DNAH17: variants seen among roughly 807,000 people sequenced by gnomAD.
The protein encoded by DNAH17 is axonemal beta dynein heavy chain 17.
A neutral mutation model predicts 485.6 loss-of-function variants in DNAH17; 376 were observed. The ratio of observed to expected loss-of-function variants is 0.77; its 90% CI spans 0.71 to 0.84. The LOEUF (loss-of-function observed/expected upper bound fraction) is 0.84. Among genes scored for constraint, DNAH17 ranks in the 40% least tolerant of loss-of-function variants. The probability of loss-of-function intolerance (pLI) is 0.00; values close to 1 mark genes in which losing one functional copy is unlikely to be tolerated. For synonymous variants in DNAH17, 3,031 were observed against 2,405.9 expected, an observed-to-expected ratio of 1.26 and a Z score of -7.60; for missense variants, 6,370 against 5,839.3, an observed-to-expected ratio of 1.09 and a Z score of -2.96.
At chr17:78,484,739 A>ACCCCCCATGCCCCCCCCCCCCC in intron 48 of DNAH17, 129 bp downstream of exon 48, 1 of 347,798 alleles carries the variant, frequency 2.9e-6, no homozygotes, top group Non-Finnish European at 4.6e-6. Context: ...ACGTTGCAGC[A>ACCCCCCATGCCCCCCCCCCCCC]CCCCCCCCAC....
intron 14 of DNAH17, among the ~76,000 whole-genome samples, chr17:78,557,217 G>A (rs547852994): frequency 6.6e-6 from 1 of 152,248 alleles, no homozygotes; most frequent in South Asian, 2.1e-4. Context: ...TGGGTTCCAG[G>A]AAATGCCCAT....
chr17:78,488,992 A>G (rs182445946), intron 44 of DNAH17, among the ~76,000 whole-genome samples: 310 of 152,126 alleles, frequency 2.0e-3, no homozygotes, highest in African/African-American at 6.6e-3. Context: ...CAGCACTGGG[A>G]GAGGATAAAT....
chr17:78,483,687 G>A (rs957438494), intron 48 of DNAH17, among the ~76,000 whole-genome samples: 2 of 151,970 alleles, frequency 1.3e-5, no homozygotes, highest in African/African-American at 2.4e-5. Context: ...TTAGGACCAT[G>A]ACCTCAAGTA....
At chr17:78,539,602 A>G in intron 18 of DNAH17, 135 bp downstream of exon 18, 2 of 824,196 alleles carry the variant, frequency 2.4e-6, no homozygotes, top group Non-Finnish European at 3.5e-6. Flanking sequence ...AACCAGGTCA[A>G]GTAGATTGCA....
At chr17:78,536,636 G>A (rs1475574192) in intron 19 of DNAH17, among the ~76,000 whole-genome samples, 3 of 150,542 alleles carry the variant, frequency 2.0e-5, no homozygotes, top group Admixed American at 2.0e-4. Flanking sequence ...AGCCGAGATT[G>A]AACCACTGCA....
At position 78,495,810 on chromosome 17, in the gene DNAH17, C is replaced by G. The variant is rs527770675; in HGVS notation, c.5903+65G>C. On this transcript the variant is annotated intron_variant, in intron 38 of 80. Coordinates refer to ENST00000389840, the MANE Select transcript of DNAH17 (RefSeq NM_173628.4). The stretch of plus-strand genomic sequence containing the variant: ...CCCCTCCCCTCTGCCCACTCCTTGG[C>G]ACTGGGACGTTGCTGTGGCCGGCCT... 4.5e-6 allele frequency: 7 copies of G among 1,566,794 alleles called. No individual in the cohort carries two copies. The Admixed American group carries it at 1.2e-4, about 28-fold the overall frequency.
At chr17:78,510,259 A>G in intron 27 of DNAH17, 125 bp downstream of exon 27, 2 of 1,392,704 alleles carry the variant, frequency 1.4e-6, no homozygotes, top group Non-Finnish European at 2.0e-6. Context: ...TGGGTAAGAA[A>G]GGCCCGCCAG....
intron 69 of DNAH17, among the ~76,000 whole-genome samples, chr17:78,448,755 T>G (rs2146485867): frequency 6.6e-6 from 1 of 152,312 alleles, no homozygotes; most frequent in East Asian, 1.9e-4. Flanking sequence ...GGAGTGGGTT[T>G]GTTACACAAG....
chr17:78,493,788 G>C lies in DNAH17; in HGVS notation c.6408+248C>G, dbSNP rs560578375. On this transcript the variant is annotated intron_variant, in intron 41 of 80. Transcript: ENST00000389840. ...AGTGACTGACGTCAAGGAGAGAAGAGCAGGAAGACAAGGAGGAACAGGGAG... is the reference window on the plus strand; with the variant it reads ...AGTGACTGACGTCAAGGAGAGAAGACCAGGAAGACAAGGAGGAACAGGGAG... Among the ~76,000 whole-genome samples the C allele has an allele frequency of 8.5e-5, 13 of 152,346 alleles. No individual in the cohort carries two copies. In the South Asian group the frequency reaches 2.7e-3, roughly 32 times the overall value.
At position 78,475,940 on chromosome 17, in the gene DNAH17, C is replaced by A. The variant is rs924088313; in HGVS notation, c.8155-107G>T. On this transcript the variant is annotated intron_variant, in intron 52 of 80. Transcript: ENST00000389840. ...GCCAAGGTGGCCTAGGAGGTCACCA[C>A]GGGGTCCCAGGCCAAGTCTCCAGGG... 2.3e-6 allele frequency: 3 copies of A among 1,297,280 alleles called. No individual in the cohort carries two copies. The Admixed American group carries it at 7.7e-5, about 33-fold the overall frequency. The allele number at this position is 1,297,280 out of a possible 1,614,324, so 80.4% of individuals were successfully genotyped here.
chr17:78,516,448 A>T (rs2090781632), intron 25 of DNAH17, among the ~76,000 whole-genome samples: 1 of 152,228 alleles, frequency 6.6e-6, no homozygotes, highest in African/African-American at 2.4e-5. Flanking sequence ...GCACTTTGGG[A>T]GGCCGAGGCG....
intron 79 of DNAH17, 99 bp from the exon 80 acceptor site, chr17:78,425,670 C>T (rs2086415636): frequency 9.3e-7 from 1 of 1,077,368 alleles, no homozygotes; most frequent in African/African-American, 1.6e-5. Context: ...CAGAACCTTC[C>T]ACGGGCCACT....
At position 78,428,767 on chromosome 17, in the gene DNAH17, T is replaced by C. The variant is rs547587992; in HGVS notation, c.12406-60A>G. The C allele has an allele frequency of 5.3e-5, 85 of 1,588,918 alleles. No homozygotes were observed. In the East Asian group the frequency reaches 1.8e-3, roughly 34 times the overall value. On this transcript the variant is annotated intron_variant, in intron 76 of 80. Transcript: ENST00000389840. ...GCTGTGCAGGCTGAAACCCATGTCC[T>C]GTTGGTTAAGCATTCCTTGCCAGAA...
In DNAH17 at chr17:78,459,172, G is replaced by A. The variant is rs747336078; in HGVS notation, c.9690C>T (p.Phe3230=). The A allele has an allele frequency of 8.7e-6, 14 of 1,613,970 alleles. No individual in the cohort carries two copies. Among genetic ancestry groups the A allele is most frequent in the Non-Finnish European group, 1.2e-5 (14 of 1,179,888 alleles). The change falls in exon 61 of 81, where the codon TTC becomes TTT. Residue 3230 remains phenylalanine (F), a synonymous_variant. Coordinates refer to ENST00000389840, the MANE Select transcript of DNAH17 (RefSeq NM_173628.4). The part of the protein sequence containing the change: ...YQGNPTFDPE[F]IRSKSTAAAG... ...CGGCGGCCGTGGACTTGGAGCGGAT[G>A]AACTCGGGGTCGAACGTCGGGTTGC...
intron 54 of DNAH17, among the ~76,000 whole-genome samples, chr17:78,474,181 C>G (rs2088902273): frequency 6.6e-6 from 1 of 152,226 alleles, no homozygotes; most frequent in African/African-American, 2.4e-5. Flanking sequence ...GCTAAAGCCA[C>G]CAGCCCAGCG....
chr17:78,460,957 A>C (rs1320911248), intron 58 of DNAH17, among the ~76,000 whole-genome samples: 6 of 152,100 alleles, frequency 3.9e-5, no homozygotes, highest in South Asian at 4.1e-4. Flanking sequence ...GACTGATGAC[A>C]AAAAAAGCAC....
intron 1 of DNAH17, among the ~76,000 whole-genome samples, chr17:78,576,230 C>T (rs775310097): frequency 7.9e-5 from 12 of 152,204 alleles, no homozygotes; most frequent in Non-Finnish European, 1.3e-4. Flanking sequence ...CCAAAAGACA[C>T]GTAATACCAC....
At chr17:78,452,978 G>GTT (rs2087619577) in intron 65 of DNAH17, among the ~76,000 whole-genome samples, 1 of 21,324 alleles carries the variant, frequency 4.7e-5, no homozygotes, top group East Asian at 8.6e-3. Flanking sequence ...TGTACCAAAT[G>GTT]CTCAATTGTG....
At chr17:78,527,476 C>A (rs2091110401) in intron 22 of DNAH17, among the ~76,000 whole-genome samples, 1 of 152,174 alleles carries the variant, frequency 6.6e-6, no homozygotes, top group African/African-American at 2.4e-5. Context: ...AATGTACTCA[C>A]CTTTCATCAT....
Sources: allele counts gnomAD v4.1 joint callset (sites outside exome capture counted in the v4.1 genomes callset), GRCh38; gene constraint gnomAD v4.1.1; transcripts MANE v1.5; gene names NCBI Gene and HGNC (gene_info 2026-07-23, HGNC 2026-07-21).